Variants in USP49 observed in about 807,000 individuals in gnomAD.
USP49 encodes ubiquitin carboxyl-terminal hydrolase 49.
A neutral mutation model predicts 58.6 loss-of-function variants in USP49; 24 were observed. The observed-to-expected ratio is 0.41, with a 90% CI of 0.30 to 0.58. The LOEUF is 0.58. USP49 is among the 20% of genes least tolerant of loss of function. The pLI is 0.30. For missense variants in USP49, 703 were observed against 866.1 expected (o/e 0.81, Z 2.36); for synonymous variants, 408 against 365.1 (o/e 1.12, Z -1.34).
At chr6:41,804,114 ATTTT>A in intron 4 of USP49, 104 bp from the exon 5 acceptor site, 1 of 972,368 alleles carries the variant, frequency 1.0e-6, no homozygotes, top group Admixed American at 2.8e-5. Context: ...TAAGTGTATA[ATTTT>A]CAAAAAATAG....
intron 3 of USP49, among the ~76,000 whole-genome samples, chr6:41,830,893 A>G (rs1422729175): frequency 2.0e-5 from 3 of 152,114 alleles, no homozygotes; most frequent in East Asian, 1.9e-4. Flanking sequence ...ATTGTTATAC[A>G]CTGGTGCTAC....
chr6:41,838,248 TCC>T (rs1773761208), intron 3 of USP49, among the ~76,000 whole-genome samples: 1 of 152,214 alleles, frequency 6.6e-6, no homozygotes, highest in African/African-American at 2.4e-5. Flanking sequence ...GCCTGCAACA[TCC>T]TGGCTAACCA....
At chr6:41,877,759 C>T (rs1171761838) in intron 2 of USP49, among the ~76,000 whole-genome samples, 1 of 152,038 alleles carries the variant, frequency 6.6e-6, no homozygotes, top group African/African-American at 2.4e-5. Context: ...CAGGGTTTCA[C>T]CATGTTGTCC....
At chr6:41,836,932 G>A (rs1228659014) in intron 3 of USP49, among the ~76,000 whole-genome samples, 1 of 151,906 alleles carries the variant, frequency 6.6e-6, no homozygotes, top group Non-Finnish European at 1.5e-5. Context: ...TCTACAGCGA[G>A]AATTACAACA....
At chr6:41,826,383 C>T (rs897919831) in intron 3 of USP49, among the ~76,000 whole-genome samples, 4 of 152,114 alleles carry the variant, frequency 2.6e-5, no homozygotes, top group African/African-American at 9.7e-5. Context: ...TTACGCATTC[C>T]AAGAGACCAA....
intron 3 of USP49, among the ~76,000 whole-genome samples, chr6:41,854,945 A>G (rs116062566): frequency 0.011 from 1,644 of 151,792 alleles, 28 homozygotes; most frequent in South Asian, 0.047. Context: ...GCTAATTTTT[A>G]TATTTTTTGG....
intron 3 of USP49, among the ~76,000 whole-genome samples, chr6:41,823,526 G>A (rs2127336093): frequency 6.6e-6 from 1 of 152,264 alleles, no homozygotes; most frequent in East Asian, 1.9e-4. Context: ...GCCGATGACT[G>A]CAAAATGCAG....
intron 3 of USP49, among the ~76,000 whole-genome samples, chr6:41,835,375 GA>G (rs1372744584): frequency 1.3e-5 from 2 of 152,160 alleles, no homozygotes; most frequent in Non-Finnish European, 2.9e-5. Flanking sequence ...GTCAAGTATG[GA>G]AAATGGAAGG....
intron 3 of USP49, among the ~76,000 whole-genome samples, chr6:41,835,320 C>G (rs1227643320): frequency 1.3e-5 from 2 of 152,144 alleles, no homozygotes; most frequent in Admixed American, 1.3e-4. Context: ...TTCTGAAATG[C>G]AGTCATGAAA....
At chr6:41,809,645 T>C (rs895169964) in intron 3 of USP49, among the ~76,000 whole-genome samples, 1 of 150,040 alleles carries the variant, frequency 6.7e-6, no homozygotes, top group Non-Finnish European at 1.5e-5. Context: ...CCTAACGCGG[T>C]GAAACCCCAA....
chr6:41,820,684 G>A (rs993835139), intron 3 of USP49, among the ~76,000 whole-genome samples: 1 of 152,016 alleles, frequency 6.6e-6, no homozygotes, highest in East Asian at 1.9e-4. Flanking sequence ...CTTTATTTTG[G>A]GGTATGCTTG....
chr6:41,866,089 T>G (rs770775179), intron 3 of USP49, among the ~76,000 whole-genome samples: 1 of 151,518 alleles, frequency 6.6e-6, no homozygotes, highest in Non-Finnish European at 1.5e-5. Flanking sequence ...GTCCCACCAA[T>G]TTTTGTATTT....
Position 41,806,797 on chromosome 6 carries a change from G to A in USP49, c.187C>T (p.His63Tyr). Reference sequence around the variant, plus strand: ...TCCCGGACTTCCATGGCTAGCGGGTGTCCCGTCTCCTCAAAGTGTTTCAGG... The same window carrying A: ...TCCCGGACTTCCATGGCTAGCGGGTATCCCGTCTCCTCAAAGTGTTTCAGG... ...HALKHFEETGHPLAMEVRDLY... is the reference protein window; with the variant it reads ...HALKHFEETGYPLAMEVRDLY... The change falls in exon 4 of 8, where the codon CAC (histidine) becomes TAC (tyrosine). Residue 63 changes from histidine (H) to tyrosine (Y), a missense_variant. Physicochemically the swap from His to Tyr is moderately conservative, Grantham distance 83. Around this residue, in one of 6 missense-constraint regions of USP49, gnomAD observed 376 missense variants for 373.5 expected, o/e 1.01. Coordinates refer to ENST00000682992, the MANE Select transcript of USP49 (RefSeq NM_001286554.2). This position sits in a 1 kb window ranked among gnomAD's most constrained non-coding sequence, Gnocchi z 5.9. 1 of 1,614,196 alleles carries A rather than the reference G, an allele frequency of 6.2e-7. No individual in the cohort carries two copies. Among genetic ancestry groups the A allele is most frequent in the Non-Finnish European group, 8.5e-7 (1 of 1,180,038 alleles).
At chr6:41,808,325 T>C (rs577557986) in intron 3 of USP49, among the ~76,000 whole-genome samples, 17 of 151,798 alleles carry the variant, frequency 1.1e-4, no homozygotes, top group South Asian at 4.2e-4. Context: ...TGTTTTTTTT[T>C]CCCCCTCCCA....
At chr6:41,842,372 CAAAAA>C (rs1384327624) in intron 3 of USP49, among the ~76,000 whole-genome samples, 2 of 151,878 alleles carry the variant, frequency 1.3e-5, no homozygotes, top group African/African-American at 4.8e-5. Flanking sequence ...GACTCTGTCT[CAAAAA>C]CAAAACAAAA....
chr6:41,879,375 C>A (rs1774563432), intron 2 of USP49, among the ~76,000 whole-genome samples: 1 of 152,086 alleles, frequency 6.6e-6, no homozygotes, highest in Admixed American at 6.6e-5. Context: ...ACCACAGGTG[C>A]ATGCCACCAC....
intron 3 of USP49, among the ~76,000 whole-genome samples, chr6:41,816,702 C>CTATTATTATTATTATTATTAT (rs10631115): frequency 1.8e-4 from 27 of 149,526 alleles, no homozygotes; most frequent in African/African-American, 6.4e-4. Context: ...GTTCCACACT[C>CTATTATTATTATTATTATTAT]TATTATTATT....
chr6:41,823,554 C>G (rs1301055852), intron 3 of USP49, among the ~76,000 whole-genome samples: 1 of 152,150 alleles, frequency 6.6e-6, no homozygotes, highest in Non-Finnish European at 1.5e-5. Context: ...AGAGTCTGTA[C>G]TCTGCAGAGT....
At chr6:41,881,306 A>AAAAAAAAAAAAAAAAAAAAAAAAAAAC (rs1774604000) in intron 2 of USP49, among the ~76,000 whole-genome samples, 1 of 147,176 alleles carries the variant, frequency 6.8e-6, no homozygotes, top group African/African-American at 2.5e-5. Flanking sequence ...AAAAAAAAAA[A>AAAAAAAAAAAAAAAAAAAAAAAAAAAC]AAAAAAAAAA....
Sources: gnomAD v4.1 joint callset for allele counts (sites outside exome capture counted in the v4.1 genomes callset) on GRCh38, gnomAD v4.1.1 for gene constraint, gnomAD v4.1.1 regional missense constraint, Gnocchi (gnomAD v3.1) non-coding constraint, MANE v1.5 for transcripts, NCBI Gene and HGNC (gene_info 2026-07-23, HGNC 2026-07-21) for gene names.